CDH18: variants seen among roughly 807,000 people sequenced by gnomAD.
CDH18 encodes the protein cadherin 18.
A neutral mutation model predicts 67.9 loss-of-function variants in CDH18; 31 were observed. That is an observed-to-expected ratio of 0.46 (90% confidence interval 0.34 to 0.62). The LOEUF (loss-of-function observed/expected upper bound fraction) is 0.62. Among genes scored for constraint, CDH18 ranks in the 20% least tolerant of loss-of-function variants. The pLI is 0.01. For synonymous variants in CDH18, 362 were observed against 347.2 expected (o/e 1.04, Z -0.48); for missense variants, 890 against 975.5 (o/e 0.91, Z 1.17).
Position 19,591,142 on chromosome 5 carries a change from T to A in CDH18, c.914A>T (p.Tyr305Phe), listed in dbSNP as rs770478322. The change falls in exon 7 of 13, where the codon TAC becomes TTC. Residue 305 changes from tyrosine (Y) to phenylalanine (F), a missense_variant. Tyr to Phe is a conservative substitution (Grantham distance 22). Transcript: ENST00000382275. ...CATGCCATCACCATTTATGATGGAG[T>A]AGGTCATGTCAGCATTTGAGCCAGT... ...ADTGSNADMT[Y>F]SIINGDGMGI... The A allele has an allele frequency of 1.2e-6, 2 of 1,611,898 alleles. No homozygotes were observed. The highest frequency in any genetic ancestry group is 1.1e-5 in the South Asian group (1 of 90,956).
At chr5:20,321,423 C>T (rs1206172912) in intron 1 of CDH18, among the ~76,000 whole-genome samples, 1 of 151,998 alleles carries the variant, frequency 6.6e-6, no homozygotes, top group Non-Finnish European at 1.5e-5. Flanking sequence ...GCCTCCTTCC[C>T]CTACCCAATT....
intron 2 of CDH18, among the ~76,000 whole-genome samples, chr5:20,056,075 G>C (rs1444329619): frequency 7.2e-6 from 1 of 138,560 alleles, no homozygotes; most frequent in Non-Finnish European, 1.5e-5. Context: ...CACCATCTTG[G>C]CTCACTATAA....
chr5:20,317,541 T>C lies in CDH18; in HGVS notation c.-579-62036A>G, dbSNP rs1164821767. 2.0e-5 allele frequency among the ~76,000 whole-genome samples: 3 copies of C among 152,294 alleles called. No individual in the cohort carries two copies. The East Asian group carries it at 5.8e-4, about 29-fold the overall frequency. On this transcript the variant is annotated intron_variant, in intron 1 of 14. Coordinates refer to the CDH18 transcript ENST00000507958. Reference sequence around the variant, plus strand: ...ATCTATATGGGGGCAAAATCATCTTTCATTGTTTTACATAAACAATTTCCA... The same window carrying C: ...ATCTATATGGGGGCAAAATCATCTTCCATTGTTTTACATAAACAATTTCCA...
chr5:20,282,826 T>C (rs528290766), intron 1 of CDH18, among the ~76,000 whole-genome samples: 16 of 152,174 alleles, frequency 1.1e-4, no homozygotes, highest in African/African-American at 3.9e-4. Context: ...ATAGCCAAAC[T>C]TATTCTGAGC....
intron 1 of CDH18, among the ~76,000 whole-genome samples, chr5:20,277,573 A>G (rs1253903507): frequency 1.3e-5 from 2 of 152,112 alleles, no homozygotes; most frequent in Non-Finnish European, 2.9e-5. Flanking sequence ...CAGAATATGA[A>G]GACTATAATA....
chr5:20,249,577 T>C (rs1354089291), intron 2 of CDH18, among the ~76,000 whole-genome samples: 1 of 151,990 alleles, frequency 6.6e-6, no homozygotes, highest in Non-Finnish European at 1.5e-5. Flanking sequence ...AGAGACAGGG[T>C]TTCACCGTGG....
chr5:19,673,696 T>C (rs1759075284), intron 5 of CDH18, among the ~76,000 whole-genome samples: 1 of 152,106 alleles, frequency 6.6e-6, no homozygotes, highest in Non-Finnish European at 1.5e-5. Flanking sequence ...AAGCATATCA[T>C]ATTTTTGTAA....
intron 1 of CDH18, among the ~76,000 whole-genome samples, chr5:20,493,156 C>T (rs1006874891): frequency 6.6e-6 from 1 of 151,800 alleles, no homozygotes; most frequent in African/African-American, 2.4e-5. Flanking sequence ...TGTGACCAGC[C>T]TGGCCAACAT....
chr5:20,086,755 C>A (rs1369105699), intron 2 of CDH18, among the ~76,000 whole-genome samples: 1 of 152,150 alleles, frequency 6.6e-6, no homozygotes, highest in Non-Finnish European at 1.5e-5. Context: ...ACCTACTGCT[C>A]AGAAAAGAAA....
intron 1 of CDH18, among the ~76,000 whole-genome samples, chr5:20,441,189 C>T (rs1749580074): frequency 6.6e-6 from 1 of 151,678 alleles, no homozygotes; most frequent in Non-Finnish European, 1.5e-5. Flanking sequence ...TCCATTCACT[C>T]AATTTACAAA....
intron 1 of CDH18, among the ~76,000 whole-genome samples, chr5:20,270,371 C>G: frequency 6.6e-6 from 1 of 152,002 alleles, no homozygotes; most frequent in East Asian, 1.9e-4. Context: ...TGGTGTTCCC[C>G]GTATGACAAA....
chr5:20,028,869 T>C (rs1055057620), intron 2 of CDH18, among the ~76,000 whole-genome samples: 4 of 152,176 alleles, frequency 2.6e-5, no homozygotes, highest in African/African-American at 4.8e-5. Flanking sequence ...AGTGAAATTG[T>C]AGGTAAGGGG....
intron 2 of CDH18, among the ~76,000 whole-genome samples, chr5:19,895,887 A>G (rs1342637854): frequency 2.0e-5 from 3 of 152,150 alleles, no homozygotes; most frequent in African/African-American, 7.2e-5. Flanking sequence ...TGAGGTAGAC[A>G]TGGTAAAAGG....
At chr5:19,874,544 T>G (rs1322882606) in intron 2 of CDH18, among the ~76,000 whole-genome samples, 1 of 152,212 alleles carries the variant, frequency 6.6e-6, no homozygotes, top group East Asian at 1.9e-4. Context: ...ACATTTAACA[T>G]CATAGTTTAT....
intron 1 of CDH18, among the ~76,000 whole-genome samples, chr5:20,413,614 T>C (rs2150147384): frequency 6.6e-6 from 1 of 152,348 alleles, no homozygotes; most frequent in African/African-American, 2.4e-5. Flanking sequence ...TGTCTTCTTT[T>C]GAAAAGTGTC....
chr5:19,973,421 T>C (rs1579893243), intron 2 of CDH18, among the ~76,000 whole-genome samples: 2 of 152,228 alleles, frequency 1.3e-5, no homozygotes, highest in East Asian at 3.9e-4. Flanking sequence ...GTACTTCAAA[T>C]TTATTTTCTG....
At chr5:19,732,915 C>T (rs181748442) in intron 4 of CDH18, among the ~76,000 whole-genome samples, 4 of 152,286 alleles carry the variant, frequency 2.6e-5, no homozygotes, top group East Asian at 3.9e-4. Context: ...AATGGTCACA[C>T]AACTGGAGCC....
Position 20,557,845 on chromosome 5 carries a change from TGTTATATAACATTTAATGTTATA to T in CDH18, c.-580+17594_-580+17616del, listed in dbSNP as rs1757986277. Among the ~76,000 whole-genome samples the T allele has an allele frequency of 2.5e-4, 35 of 141,228 alleles. 4 individuals carry two copies. Among genetic ancestry groups the T allele is most frequent in the African/African-American group, 4.0e-4 (15 of 37,368 alleles). 92.7% of individuals were successfully genotyped at this position (141,228 alleles called of 152,430 possible). On this transcript the variant is annotated intron_variant, in intron 1 of 14. Transcript: ENST00000507958. ...TGTTACATAACATTAAATGTAACAT[TGTTATATAACATTTAATGTTATA>T]GTTATATAACATTAAATGTTATAGT...
In CDH18 at chr5:19,473,210, T is replaced by A; in HGVS notation, c.*16A>T. 6.2e-7 allele frequency: 1 copy of A among 1,608,686 alleles called. No individual in the cohort carries two copies. Among genetic ancestry groups the A allele is most frequent in the Non-Finnish European group, 8.5e-7 (1 of 1,176,450 alleles). ...ACTCAGGAAGCAAATTCCACAAGGT[T>A]GCAAGAACTGACCCCCTAAGTTGTT... On this transcript the variant is annotated 3_prime_UTR_variant, in exon 13 of 13. Coordinates refer to ENST00000382275, the MANE Select transcript of CDH18 (RefSeq NM_004934.5).
Sources: gnomAD v4.1 joint callset for allele counts (sites outside exome capture counted in the v4.1 genomes callset) on GRCh38, gnomAD v4.1.1 for gene constraint, MANE v1.5 for transcripts, NCBI Gene and HGNC (gene_info 2026-07-23, HGNC 2026-07-21) for gene names.